WDPCP: variants seen among roughly 807,000 people sequenced by gnomAD.
WDPCP encodes the protein WD repeat containing planar cell polarity effector.
In WDPCP, 71 loss-of-function variants were observed where a neutral mutation model predicts 93.1. The observed-to-expected ratio is 0.76, with a 90% confidence interval of 0.63 to 0.93. The LOEUF is 0.93. WDPCP is among the 40% of genes least tolerant of loss of function. The pLI, the probability that WDPCP is intolerant of heterozygous loss-of-function variation, is 0.00. For missense variants in WDPCP, 844 were observed against 887.4 expected, an observed-to-expected ratio of 0.95 and a Z score of 0.62; for synonymous variants, 315 against 315.0, an observed-to-expected ratio of 1.00 and a Z score of 0.00.
At chr2:63,257,096 A>G (rs1201046855) in intron 14 of WDPCP, among the ~76,000 whole-genome samples, 1 of 152,142 alleles carries the variant, frequency 6.6e-6, no homozygotes, top group Non-Finnish European at 1.5e-5. Context: ...AAAAATTACC[A>G]AATTGTTCAG....
chr2:63,466,311 A>G (rs1376929249), intron 6 of WDPCP, among the ~76,000 whole-genome samples: 1 of 152,170 alleles, frequency 6.6e-6, no homozygotes, highest in East Asian at 1.9e-4. Flanking sequence ...TTTGAAAAAA[A>G]CACTTTATTA....
intron 2 of WDPCP, among the ~76,000 whole-genome samples, chr2:63,713,445 A>G (rs1669291303): frequency 6.6e-6 from 1 of 152,220 alleles, no homozygotes; most frequent in Non-Finnish European, 1.5e-5. Flanking sequence ...TACATCTTCA[A>G]TAGCAATGTC....
chr2:63,788,611 T>C (rs1234761551), intron 2 of WDPCP, among the ~76,000 whole-genome samples: 1 of 152,206 alleles, frequency 6.6e-6, no homozygotes, highest in Non-Finnish European at 1.5e-5. Context: ...ATGAATATTA[T>C]CTAAAGGACA....
At chr2:63,241,380 A>G (rs1679845480) in intron 14 of WDPCP, among the ~76,000 whole-genome samples, 1 of 152,202 alleles carries the variant, frequency 6.6e-6, no homozygotes, top group South Asian at 2.1e-4. Context: ...AGTCAAACAA[A>G]TAATATAACG....
chr2:63,209,359 T>C (rs1167498293), intron 14 of WDPCP, among the ~76,000 whole-genome samples: 10 of 152,196 alleles, frequency 6.6e-5, no homozygotes, highest in Admixed American at 6.5e-4. Context: ...TTCATGCGTG[T>C]CACTAATTAA....
chr2:63,224,241 C>T (rs1678083824), intron 14 of WDPCP, among the ~76,000 whole-genome samples: 1 of 151,620 alleles, frequency 6.6e-6, no homozygotes, highest in Non-Finnish European at 1.5e-5. Flanking sequence ...CTAGCACACT[C>T]ATGACATAAA....
intron 2 of WDPCP, among the ~76,000 whole-genome samples, chr2:63,722,937 C>G (rs1669447336): frequency 6.6e-6 from 1 of 152,104 alleles, no homozygotes; most frequent in Non-Finnish European, 1.5e-5. Context: ...TTGTTCTGTA[C>G]TAAGAAAACT....
intron 15 of WDPCP, among the ~76,000 whole-genome samples, chr2:63,167,750 A>T (rs950665677): frequency 2.0e-5 from 3 of 152,212 alleles, no homozygotes; most frequent in Non-Finnish European, 2.9e-5. Flanking sequence ...GAATATTCAT[A>T]ATATCTACAT....
intron 6 of WDPCP, among the ~76,000 whole-genome samples, chr2:63,452,637 C>G (rs1698336827): frequency 6.6e-6 from 1 of 152,194 alleles, no homozygotes; most frequent in Non-Finnish European, 1.5e-5. Flanking sequence ...ATTGCCAAGT[C>G]AATCCTAAAC....
At chr2:63,175,355 T>A (rs1024427871) in intron 14 of WDPCP, among the ~76,000 whole-genome samples, 1 of 152,140 alleles carries the variant, frequency 6.6e-6, no homozygotes, top group Non-Finnish European at 1.5e-5. Flanking sequence ...AAAATGTTGT[T>A]TGAAACATAA....
intron 12 of WDPCP, among the ~76,000 whole-genome samples, chr2:63,328,402 C>T (rs890816585): frequency 6.6e-6 from 1 of 152,162 alleles, no homozygotes; most frequent in Non-Finnish European, 1.5e-5. Context: ...GAGCTGTTAA[C>T]ACTTACTGCG....
At chr2:63,327,552 A>C (rs1687651230) in intron 12 of WDPCP, among the ~76,000 whole-genome samples, 2 of 152,180 alleles carry the variant, frequency 1.3e-5, no homozygotes, top group Admixed American at 1.3e-4. Flanking sequence ...AGACTTCCTC[A>C]CTGCTGAGAA....
intron 2 of WDPCP, among the ~76,000 whole-genome samples, chr2:63,657,483 T>G (rs553006323): frequency 2.0e-5 from 3 of 152,112 alleles, no homozygotes; most frequent in Non-Finnish European, 4.4e-5. Flanking sequence ...TGAGATTACA[T>G]GCGTGAGTCA....
intron 2 of WDPCP, among the ~76,000 whole-genome samples, chr2:63,793,097 T>C (rs1670566707): frequency 6.6e-6 from 1 of 152,136 alleles, no homozygotes; most frequent in South Asian, 2.1e-4. Flanking sequence ...ATAAAAAGTC[T>C]TTCAGTTTGA....
In WDPCP at chr2:63,570,969, G is replaced by A. The variant is rs183072946; in HGVS notation, c.75+17228C>T. ...CACCCAGGCTGGAGTGCAGTGGCAC[G>A]ATCTCAGCTCACTGCAACCTCCGCC... On this transcript the variant is annotated intron_variant, in intron 1 of 17. Transcript: ENST00000272321. Among the ~76,000 whole-genome samples the A allele has an allele frequency of 1.9e-3, 288 of 151,720 alleles. 3 individuals are homozygous for A. Among genetic ancestry groups the A allele is most frequent in the African/African-American group, 4.4e-3 (183 of 41,382 alleles).
chr2:63,199,751 G>A (rs909795496), intron 14 of WDPCP, among the ~76,000 whole-genome samples: 20 of 152,316 alleles, frequency 1.3e-4, no homozygotes, highest in South Asian at 4.1e-4. Context: ...CCCCCCAACC[G>A]ACCCACAGAG....
At chr2:63,575,467 GCAGTA>G (rs1707965224) in intron 1 of WDPCP, among the ~76,000 whole-genome samples, 1 of 6,840 alleles carries the variant, frequency 1.5e-4, no homozygotes, top group African/African-American at 6.1e-4. Context: ...CAGTATATAT[GCAGTA>G]TATACAGTGT....
chr2:63,595,258 T>G (rs1160289779), intron 3 of WDPCP, among the ~76,000 whole-genome samples: 2 of 152,212 alleles, frequency 1.3e-5, no homozygotes, highest in Admixed American at 1.3e-4. Flanking sequence ...TCCTTCTTTC[T>G]GAAAGTGGCA....
chr2:63,257,085 A>T (rs1681213325), intron 14 of WDPCP, among the ~76,000 whole-genome samples: 1 of 152,164 alleles, frequency 6.6e-6, no homozygotes, highest in South Asian at 2.1e-4. Flanking sequence ...TAAAAAGTTT[A>T]AAAAATTACC....
Sources: allele counts gnomAD v4.1 joint callset (sites outside exome capture counted in the v4.1 genomes callset), GRCh38; gene constraint gnomAD v4.1.1; transcripts MANE v1.5; gene names NCBI Gene and HGNC (gene_info 2026-07-23, HGNC 2026-07-21).